The following ANKS3 variants were observed in gnomAD, a reference collection of about 807,000 sequenced individuals.
ANKS3 encodes the protein ankyrin repeat and sterile alpha motif domain containing 3, also known as ankyrin repeat and SAM domain-containing protein 3.
ANKS3 carries 62 observed loss-of-function variants against 80.7 expected under a neutral mutation model. The ratio of observed to expected loss-of-function variants is 0.77; its 90% CI spans 0.63 to 0.95. The LOEUF (loss-of-function observed/expected upper bound fraction) is 0.95. Among genes scored for constraint, ANKS3 ranks in the 40% least tolerant of loss-of-function variants. The pLI is 0.00. For synonymous variants in ANKS3, 489 were observed against 355.3 expected, an observed-to-expected ratio of 1.38 and a Z score of -4.23; for missense variants, 1,150 against 883.6, an observed-to-expected ratio of 1.30 and a Z score of -3.82.
At chr16:4,708,217 T>G (rs1268012480) in intron 7 of ANKS3, among the ~76,000 whole-genome samples, 1 of 152,018 alleles carries the variant, frequency 6.6e-6, no homozygotes, top group Non-Finnish European at 1.5e-5. Context: ...TCAGACACAT[T>G]AAAGTTAATC....
Position 4,702,162 on chromosome 16 carries a change from C to G in ANKS3, c.949G>C (p.Asp317His). 6 of 1,593,796 alleles carry G rather than the reference C, an allele frequency of 3.8e-6. No homozygotes were observed. The highest frequency in any genetic ancestry group is 5.1e-6 in the Non-Finnish European group (6 of 1,171,458). Residue 317 changes from aspartate to histidine, a missense_variant, in exon 9 of 18, where the codon GAT becomes CAT. Transcript: ENST00000304283. ...PLEEEGLCCR[D>H]VTSPINERDV... ...CGCTCATTGATGGGGGAGGTGACAT[C>G]CCGGCAGCAGAGGCCCTCTTCTTCC... is the stretch of plus-strand genomic sequence containing the variant.
At chr16:4,712,863 T>A (rs1272053268) in intron 7 of ANKS3, among the ~76,000 whole-genome samples, 1 of 152,182 alleles carries the variant, frequency 6.6e-6, no homozygotes, top group Non-Finnish European at 1.5e-5. Context: ...CAGGAAGCAG[T>A]GTATCCATCG....
Position 4,718,586 on chromosome 16 carries a change from G to C in ANKS3, c.574-4400C>G, listed in dbSNP as rs180765625. 5.1e-3 allele frequency among the ~76,000 whole-genome samples: 770 copies of C among 152,340 alleles called. 4 individuals are homozygous for C. Among genetic ancestry groups the C allele is most frequent in the Non-Finnish European group, 9.0e-3 (610 of 68,032 alleles). ...ATGGAGCCCAGCTCTGGAGGGACAGGCTGGGAAACCGGGTGGGCCCCCTCC... is the reference window on the plus strand; with the variant it reads ...ATGGAGCCCAGCTCTGGAGGGACAGCCTGGGAAACCGGGTGGGCCCCCTCC... On this transcript the variant is annotated intron_variant, in intron 6 of 17. Coordinates refer to ENST00000304283, the MANE Select transcript of ANKS3 (RefSeq NM_133450.4).
chr16:4,704,456 G>C (rs780118912), intron 8 of ANKS3, among the ~76,000 whole-genome samples: 1 of 152,130 alleles, frequency 6.6e-6, no homozygotes, highest in Non-Finnish European at 1.5e-5. Flanking sequence ...CTCTGGGACA[G>C]ACCACAGCAA....
chr16:4,701,479 G>A lies in ANKS3; in HGVS notation c.1074C>T (p.Ala358=). 6.2e-7 allele frequency: 1 copy of A among 1,611,828 alleles called. No homozygotes were observed. Residue 358 remains alanine (A), a synonymous_variant, in exon 10 of 18, where the codon GCC becomes GCT. Coordinates refer to ENST00000304283, the MANE Select transcript of ANKS3 (RefSeq NM_133450.4). The part of the protein sequence containing the change: ...VQSSSSSEGL[A]RAQGLSSEAS... ...CTTCGCTGCTGAGCCCCTGGGCTCTGGCCAGGCCCTCGCTGCTGCTGCTGC... is the reference window on the plus strand; with the variant it reads ...CTTCGCTGCTGAGCCCCTGGGCTCTAGCCAGGCCCTCGCTGCTGCTGCTGC...
chr16:4,706,836 T>A (rs927803431), intron 7 of ANKS3, among the ~76,000 whole-genome samples: 1 of 152,146 alleles, frequency 6.6e-6, no homozygotes, highest in East Asian at 1.9e-4. Flanking sequence ...ACAATCCCAA[T>A]GCCAGGGAAG....
intron 9 of ANKS3, 181 bp from the exon 10 acceptor site, chr16:4,701,724 T>A: frequency 1.8e-6 from 1 of 548,292 alleles, no homozygotes; most frequent in East Asian, 3.0e-5. Flanking sequence ...GCAGGGCTTC[T>A]GTCTTTTTTG....
In ANKS3 at chr16:4,698,457, C is replaced by T. The variant is rs201289279; in HGVS notation, c.1694G>A (p.Arg565Gln). Residue 565 changes from arginine to glutamine, a missense_variant, in exon 14 of 18, where the codon CGG becomes CAG. By Grantham distance (43) the Arg-to-Gln change is conservative. Coordinates refer to ENST00000304283, the MANE Select transcript of ANKS3 (RefSeq NM_133450.4). ...CTGGTCCAGGACGAGGGCAGCATCC[C>T]GGGCCAGGGCCCACGTCTCCCGCAG... The part of the protein sequence containing the change: ...ARLRETWALA[R>Q]DAALVLDQLR... The T allele has an allele frequency of 1.5e-3, 2,329 of 1,539,808 alleles. 3 individuals carry two copies. Among genetic ancestry groups the T allele is most frequent in the Non-Finnish European group, 1.6e-3 (1,880 of 1,149,754 alleles).
In ANKS3 at chr16:4,696,807, C is replaced by A; in HGVS notation, c.*101G>T. 1 of 603,618 alleles carries A rather than the reference C, an allele frequency of 1.7e-6. No homozygotes were observed. The highest frequency in any genetic ancestry group is 2.9e-6 in the Non-Finnish European group (1 of 340,318). The allele number at this position is 603,618 out of a possible 1,614,324, so 37.4% of individuals were successfully genotyped here. Reference sequence around the variant, plus strand: ...GCCTGATCCTCTGGCCCCCACTGGGCCTGGGCTGCACATGGCAGCTACCTG... The same window carrying A: ...GCCTGATCCTCTGGCCCCCACTGGGACTGGGCTGCACATGGCAGCTACCTG... On this transcript the variant is annotated 3_prime_UTR_variant, in exon 18 of 18. Coordinates refer to ENST00000304283, the MANE Select transcript of ANKS3 (RefSeq NM_133450.4).
At chr16:4,713,002 G>A (rs1194596495) in intron 7 of ANKS3, among the ~76,000 whole-genome samples, 3 of 152,172 alleles carry the variant, frequency 2.0e-5, no homozygotes, top group Non-Finnish European at 4.4e-5. Flanking sequence ...GAGTGCAGTG[G>A]CTCACACCTG....
chr16:4,711,262 C>T (rs1035868935), intron 7 of ANKS3, among the ~76,000 whole-genome samples: 27 of 151,558 alleles, frequency 1.8e-4, no homozygotes. Context: ...CACCACTACG[C>T]CCAGCTAATT....
chr16:4,700,133 CCAGGCCAGGTGTGG>C (rs2079819253), intron 11 of ANKS3: 1 of 152,560 alleles, frequency 6.6e-6, no homozygotes, highest in Non-Finnish European at 1.5e-5. Context: ...GGGCATGGCA[CCAGGCCAGGTGTGG>C]TGGCTCACGC....
intron 7 of ANKS3, among the ~76,000 whole-genome samples, chr16:4,708,111 T>G (rs774442997): frequency 1.1e-4 from 13 of 123,132 alleles, no homozygotes; most frequent in Non-Finnish European, 2.4e-4. Flanking sequence ...TGAGACTACA[T>G]CTGAAAAAAA....
At chr16:4,725,726 C>T (rs1183116474) in intron 5 of ANKS3, among the ~76,000 whole-genome samples, 6 of 152,166 alleles carry the variant, frequency 3.9e-5, no homozygotes, top group Non-Finnish European at 8.8e-5. Flanking sequence ...GGCACGATCT[C>T]TCAGTTCACT....
At chr16:4,730,944 T>A (rs973904295) in intron 2 of ANKS3, among the ~76,000 whole-genome samples, 1 of 151,702 alleles carries the variant, frequency 6.6e-6, no homozygotes, top group Non-Finnish European at 1.5e-5. Context: ...CGGGGACATA[T>A]CTAAAAAGGC....
In ANKS3 at chr16:4,719,476, G is replaced by T. The variant is rs147722486; in HGVS notation, c.573+5274C>A. 3.9e-5 allele frequency among the ~76,000 whole-genome samples: 6 copies of T among 152,200 alleles called. No individual in the cohort carries two copies. In the East Asian group the frequency reaches 1.2e-3, roughly 29 times the overall value. ...TATTGATTCTATGATGTGTCTTAAGGAAGTCTAGTTCATGTCAGCAGGATT... is the reference window on the plus strand; with the variant it reads ...TATTGATTCTATGATGTGTCTTAAGTAAGTCTAGTTCATGTCAGCAGGATT... On this transcript the variant is annotated intron_variant, in intron 6 of 17. Coordinates refer to ENST00000304283, the MANE Select transcript of ANKS3 (RefSeq NM_133450.4).
chr16:4,699,798 T>C (rs1299818743), intron 11 of ANKS3: 2 of 152,952 alleles, frequency 1.3e-5, no homozygotes, highest in African/African-American at 4.8e-5. Flanking sequence ...TGTTCACAAG[T>C]TGTCTGACTC....
chr16:4,696,930 G>T (rs898993383), intron 17 of ANKS3, 34 bp from the exon 18 acceptor site: 2 of 1,204,634 alleles, frequency 1.7e-6, no homozygotes, highest in Admixed American at 1.9e-5. Context: ...AAGGGAGGGG[G>T]ACAGGTGGGT....
intron 6 of ANKS3, among the ~76,000 whole-genome samples, chr16:4,714,454 G>A (rs994988336): frequency 6.6e-6 from 1 of 152,212 alleles, no homozygotes; most frequent in Non-Finnish European, 1.5e-5. Context: ...CAGGGGGCTG[G>A]CAGCCACCAT....
Sources: gnomAD v4.1 joint callset for allele counts (sites outside exome capture counted in the v4.1 genomes callset) on GRCh38, gnomAD v4.1.1 for gene constraint, MANE v1.5 for transcripts, NCBI Gene and HGNC (gene_info 2026-07-23, HGNC 2026-07-21) for gene names.